Variants in SLC39A11 observed in about 807,000 individuals in gnomAD.
The protein encoded by SLC39A11 is solute carrier family 39 member 11.
SLC39A11 carries 33 observed loss-of-function variants against 36.1 expected under a neutral mutation model. The observed-to-expected ratio is 0.91, with a 90% CI of 0.69 to 1.22. The LOEUF (loss-of-function observed/expected upper bound fraction) is 1.22, where lower values mean the gene tolerates loss of function less well. SLC39A11 is among the 50% of genes most tolerant of loss of function. The pLI is 0.00. For synonymous variants in SLC39A11, 166 were observed against 170.3 expected (o/e 0.97, Z 0.20); for missense variants, 432 against 430.3 (o/e 1.00, Z -0.03).
At chr17:73,071,886 A>G (rs1207881983) in intron 3 of SLC39A11, among the ~76,000 whole-genome samples, 1 of 152,212 alleles carries the variant, frequency 6.6e-6, no homozygotes, top group African/African-American at 2.4e-5. Flanking sequence ...TTACACACAC[A>G]GGCCATCTCC....
chr17:72,907,248 G>T (rs553179684), intron 5 of SLC39A11, among the ~76,000 whole-genome samples: 1 of 152,332 alleles, frequency 6.6e-6, no homozygotes, highest in Admixed American at 6.5e-5. Flanking sequence ...CCTGCACTTC[G>T]GGAGGCCGAG....
chr17:72,686,095 G>A (rs1011478764), intron 7 of SLC39A11, among the ~76,000 whole-genome samples: 2 of 151,892 alleles, frequency 1.3e-5, no homozygotes, highest in African/African-American at 4.8e-5. Context: ...TGCAGGCTTG[G>A]TCTTGTCCCT....
chr17:72,814,564 A>G (rs4793314), intron 6 of SLC39A11, among the ~76,000 whole-genome samples: 93,313 of 152,100 alleles, frequency 0.61, 29,023 homozygotes, highest in Middle Eastern at 0.7. Context: ...GAACTCCAGT[A>G]GCCATCAGAG....
At chr17:73,016,132 G>A (rs1324595092) in intron 4 of SLC39A11, among the ~76,000 whole-genome samples, 1 of 152,000 alleles carries the variant, frequency 6.6e-6, no homozygotes, top group Non-Finnish European at 1.5e-5. Flanking sequence ...CTTTTCTGAA[G>A]GGAAAATACA....
chr17:72,684,972 G>A (rs1042603673), intron 7 of SLC39A11, among the ~76,000 whole-genome samples: 8 of 152,298 alleles, frequency 5.3e-5, no homozygotes, highest in East Asian at 1.9e-4. Flanking sequence ...TTTTGGTTCC[G>A]TCTGATCCCA....
At chr17:72,927,388 A>G (rs112055465) in intron 5 of SLC39A11, among the ~76,000 whole-genome samples, 56 of 152,320 alleles carry the variant, frequency 3.7e-4, no homozygotes, top group African/African-American at 1.3e-3. Context: ...ACCAGTGTTC[A>G]CTGAAGCATT....
intron 5 of SLC39A11, among the ~76,000 whole-genome samples, chr17:72,912,773 T>G (rs1048664192): frequency 6.6e-6 from 1 of 152,108 alleles, no homozygotes; most frequent in African/African-American, 2.4e-5. Flanking sequence ...AGGCAGAAGA[T>G]GGAATCAAAA....
At chr17:72,801,492 G>A (rs375461828) in intron 6 of SLC39A11, among the ~76,000 whole-genome samples, 7 of 152,334 alleles carry the variant, frequency 4.6e-5, no homozygotes, top group African/African-American at 9.6e-5. Context: ...CTCCCAAATC[G>A]CTGGGATTTC....
At chr17:72,815,507 C>T (rs1211565754) in intron 6 of SLC39A11, among the ~76,000 whole-genome samples, 1 of 152,094 alleles carries the variant, frequency 6.6e-6, no homozygotes, top group Non-Finnish European at 1.5e-5. Context: ...ATCCCAGCTA[C>T]TTGGGAGGCT....
intron 6 of SLC39A11, among the ~76,000 whole-genome samples, chr17:72,823,054 G>A (rs554677537): frequency 1.3e-5 from 2 of 151,248 alleles, no homozygotes; most frequent in East Asian, 3.9e-4. Context: ...TCAAATGCCT[G>A]AAACACATAT....
intron 4 of SLC39A11, among the ~76,000 whole-genome samples, chr17:73,015,647 G>A (rs1369414682): frequency 4.6e-5 from 7 of 152,024 alleles, no homozygotes; most frequent in East Asian, 1.9e-4. Flanking sequence ...GCAGTGGCGC[G>A]ATCTTGGCTC....
Position 72,648,819 on chromosome 17 carries a change from GGAT to G in SLC39A11, c.910_912del (p.Ile304del), listed in dbSNP as rs779235252. Reference sequence around the variant, plus strand: ...TTCTCCAACCTGATCTGGGCTTCGGGGATGATGTCGTCCATGACCACGTAGACC... The same window carrying G: ...TTCTCCAACCTGATCTGGGCTTCGGGGATGTCGTCCATGACCACGTAGACC... On this transcript the variant is annotated inframe_deletion, in exon 9 of 10. Coordinates refer to ENST00000255559, the MANE Select transcript of SLC39A11 (RefSeq NM_139177.4). The G allele has an allele frequency of 1.2e-6, 2 of 1,614,150 alleles. No individual in the cohort carries two copies. The highest frequency in any genetic ancestry group is 1.1e-5 in the South Asian group (1 of 91,080).
At chr17:72,989,822 G>A (rs907983970) in intron 4 of SLC39A11, among the ~76,000 whole-genome samples, 2 of 152,196 alleles carry the variant, frequency 1.3e-5, no homozygotes, top group African/African-American at 4.8e-5. Context: ...TTCCAGTGAT[G>A]GGCTTCACAT....
At chr17:72,931,023 T>C (rs951285) in intron 5 of SLC39A11, among the ~76,000 whole-genome samples, 63,641 of 151,882 alleles carry the variant, frequency 0.42, 13,484 homozygotes, top group Admixed American at 0.48. Context: ...CAGCCCTGGG[T>C]CCAAGAGAGC....
At chr17:73,089,285 C>T (rs114268531) in intron 1 of SLC39A11, among the ~76,000 whole-genome samples, 2,417 of 152,172 alleles carry the variant, frequency 0.016, 73 homozygotes, top group African/African-American at 0.054. Context: ...ACTCCACCAA[C>T]CAACTTTTGA....
chr17:72,767,617 C>CT (rs2075799820), intron 6 of SLC39A11, among the ~76,000 whole-genome samples: 1 of 152,208 alleles, frequency 6.6e-6, no homozygotes, highest in Admixed American at 6.5e-5. Context: ...GAGCTTCACA[C>CT]AGGAGGTGAC....
At chr17:72,650,088 A>T (rs1481584320) in intron 7 of SLC39A11, among the ~76,000 whole-genome samples, 3 of 152,244 alleles carry the variant, frequency 2.0e-5, no homozygotes, top group African/African-American at 7.2e-5. Flanking sequence ...AAATGGGACA[A>T]GGAAGTGCAG....
chr17:72,836,148 G>A (rs1224719061), intron 6 of SLC39A11, among the ~76,000 whole-genome samples: 5 of 152,198 alleles, frequency 3.3e-5, no homozygotes, highest in African/African-American at 9.6e-5. Context: ...CTACGCCAAC[G>A]TGGTGCTGCA....
At chr17:72,857,311 A>T (rs951219602) in intron 5 of SLC39A11, among the ~76,000 whole-genome samples, 2 of 152,040 alleles carry the variant, frequency 1.3e-5, no homozygotes, top group Admixed American at 1.3e-4. Flanking sequence ...AAAAGACATG[A>T]TCTCATTTTT....
Sources: gnomAD v4.1 joint callset for allele counts (sites outside exome capture counted in the v4.1 genomes callset) on GRCh38, gnomAD v4.1.1 for gene constraint, MANE v1.5 for transcripts, NCBI Gene and HGNC (gene_info 2026-07-23, HGNC 2026-07-21) for gene names.